Variants in OXR1 observed in about 807,000 individuals in gnomAD.
OXR1 encodes oxidation resistance protein 1.
OXR1 carries 41 observed loss-of-function variants against 104.6 expected under a neutral mutation model. That is an observed-to-expected ratio of 0.39 (90% CI 0.31 to 0.51). The LOEUF (loss-of-function observed/expected upper bound fraction) is 0.51, where lower values mean the gene tolerates loss of function less well. Ranked by LOEUF, OXR1 falls within the 20% of genes least tolerant of loss-of-function variation. The probability of loss-of-function intolerance (pLI) is 0.77; values close to 1 mark genes in which losing one functional copy is unlikely to be tolerated. For synonymous variants in OXR1, 348 were observed against 348.4 expected (o/e 1.00, Z 0.01); for missense variants, 955 against 1,031.9 (o/e 0.93, Z 1.02).
intron 1 of OXR1, among the ~76,000 whole-genome samples, chr8:106,328,244 T>G (rs1814560474): frequency 6.6e-6 from 1 of 152,164 alleles, no homozygotes; most frequent in African/African-American, 2.4e-5. Context: ...TGGATAAGTC[T>G]TTGTCCAGAA....
rs778022268 is a variant in OXR1, at chr8:106,703,060, T to C, written c.830T>C (p.Leu277Ser). The C allele has an allele frequency of 1.2e-6, 2 of 1,613,284 alleles. No individual in the cohort carries two copies. Among genetic ancestry groups the C allele is most frequent in the Admixed American group, 3.3e-5 (2 of 59,942 alleles). The change falls in exon 8 of 17, where the codon TTG becomes TCG. Residue 277 changes from leucine to serine, a missense_variant. Leu to Ser is a moderately radical substitution (Grantham distance 145). Around this residue, in one of 2 missense-constraint regions of OXR1, gnomAD observed 849 missense variants for 852.9 expected, o/e 1.00. Transcript: ENST00000517566. ...TCAGCTGCAATGTACAAAGAAATTT[T>C]GGATAGCAAAATAAAGGAATCTTTA... ...VMSAAMYKEI[L>S]DSKIKESLPI...
intron 2 of OXR1, among the ~76,000 whole-genome samples, chr8:106,385,767 A>C (rs1817346995): frequency 6.6e-6 from 1 of 152,108 alleles, no homozygotes; most frequent in Non-Finnish European, 1.5e-5. Flanking sequence ...TGCATGAAAG[A>C]AGCAAAATTG....
At chr8:106,597,039 G>A (rs573308908) in intron 3 of OXR1, among the ~76,000 whole-genome samples, 29 of 152,160 alleles carry the variant, frequency 1.9e-4, no homozygotes, top group South Asian at 4.1e-4. Flanking sequence ...GGGACAGAGC[G>A]AGACTGCACC....
At chr8:106,534,368 C>T (rs1201516606) in intron 3 of OXR1, among the ~76,000 whole-genome samples, 5 of 152,156 alleles carry the variant, frequency 3.3e-5, no homozygotes, top group Non-Finnish European at 7.3e-5. Context: ...ACAAACTACC[C>T]AGTTCCCAGT....
At position 106,706,635 on chromosome 8, in the gene OXR1, A is replaced by T; in HGVS notation, c.1114A>T (p.Thr372Ser). 6.2e-7 allele frequency: 1 copy of T among 1,613,572 alleles called. No individual in the cohort carries two copies. The highest frequency in any genetic ancestry group is 8.5e-7 in the Non-Finnish European group (1 of 1,179,868). Residue 372 changes from threonine (T) to serine (S), a missense_variant, in exon 9 of 17, where the codon ACT becomes TCT. Transcript: ENST00000517566. ...TGGTGCGTCATCAGAATCTGTGCAA[A>T]CTGTCAATCAGGCTGAAGTAGAAAG... ...SSGASSESVQ[T>S]VNQAEVESLT...
At chr8:106,337,228 T>A (rs1165574085) in intron 1 of OXR1, among the ~76,000 whole-genome samples, 1 of 152,166 alleles carries the variant, frequency 6.6e-6, no homozygotes, top group African/African-American at 2.4e-5. Flanking sequence ...TAATTATTAT[T>A]ATGAAAAAAT....
intron 2 of OXR1, among the ~76,000 whole-genome samples, chr8:106,442,397 C>T (rs1563525599): frequency 6.6e-6 from 1 of 151,914 alleles, no homozygotes; most frequent in African/African-American, 2.4e-5. Flanking sequence ...GTGTCTCTTC[C>T]CGGTTTTGGT....
intron 2 of OXR1, among the ~76,000 whole-genome samples, chr8:106,507,486 C>A (rs1269356512): frequency 6.6e-6 from 1 of 152,186 alleles, no homozygotes; most frequent in Admixed American, 6.5e-5. Context: ...AAATAAATAT[C>A]AAAAAGTACC....
intron 2 of OXR1, among the ~76,000 whole-genome samples, chr8:106,379,741 C>T (rs1185623096): frequency 6.6e-6 from 1 of 151,760 alleles, no homozygotes; most frequent in Non-Finnish European, 1.5e-5. Context: ...CAGAGTTTCA[C>T]CAAGTTGGCC....
intron 1 of OXR1, among the ~76,000 whole-genome samples, chr8:106,296,177 G>T (rs1350963118): frequency 6.6e-6 from 1 of 152,102 alleles, no homozygotes; most frequent in South Asian, 2.1e-4. Context: ...TAATCAACTT[G>T]CACTGTACTC....
At chr8:106,495,219 A>C (rs534780019) in intron 2 of OXR1, among the ~76,000 whole-genome samples, 1 of 152,188 alleles carries the variant, frequency 6.6e-6, no homozygotes, top group African/African-American at 2.4e-5. Context: ...TCTATTATCA[A>C]CCACAGTTTG....
In OXR1 at chr8:106,716,572, C is replaced by G. The variant is rs1174987369; in HGVS notation, c.1956+2587C>G. On this transcript the variant is annotated intron_variant, in intron 11 of 16. Coordinates refer to ENST00000517566, the MANE Select transcript of OXR1 (RefSeq NM_001198533.2). Reference sequence around the variant, plus strand: ...CCGGGAAGCGGAGCTTGCAGTGAGCCGAGATTGCGCCACTGCAGTCCGCAG... The same window carrying G: ...CCGGGAAGCGGAGCTTGCAGTGAGCGGAGATTGCGCCACTGCAGTCCGCAG... Among the ~76,000 whole-genome samples the G allele has an allele frequency of 1.9e-4, 5 of 25,708 alleles. 2 individuals carry two copies. The highest frequency in any genetic ancestry group is 1.5e-3 in the African/African-American group (5 of 3,298). 16.9% of individuals were successfully genotyped at this position (25,708 alleles called of 152,430 possible).
At chr8:106,669,557 T>C (rs1447767323) in intron 3 of OXR1, among the ~76,000 whole-genome samples, 1 of 152,096 alleles carries the variant, frequency 6.6e-6, no homozygotes, top group Non-Finnish European at 1.5e-5. Flanking sequence ...ATCAGCAATC[T>C]GTTTTTTTTT....
At position 106,706,500 on chromosome 8, in the gene OXR1, C is replaced by A. The variant is rs1378996751; in HGVS notation, c.979C>A (p.Pro327Thr). The change falls in exon 9 of 17, where the codon CCT (proline) becomes ACT (threonine). Residue 327 changes from proline to threonine, a missense_variant. Physicochemically the swap from Pro to Thr is conservative, Grantham distance 38. Coordinates refer to ENST00000517566, the MANE Select transcript of OXR1 (RefSeq NM_001198533.2). The stretch of plus-strand genomic sequence containing the variant: ...AGGTAATGATAGTGCCAGCACTGCT[C>A]CTAGGAGCACTGAGGAGTCTCTTTC... The part of the protein sequence containing the change: ...DAGNDSASTA[P>T]RSTEESLSED... The A allele has an allele frequency of 6.2e-7, 1 of 1,605,106 alleles. No individual in the cohort carries two copies. Among genetic ancestry groups the A allele is most frequent in the Non-Finnish European group, 8.5e-7 (1 of 1,177,890 alleles).
chr8:106,397,285 T>C (rs1817818723), intron 2 of OXR1, among the ~76,000 whole-genome samples: 1 of 152,070 alleles, frequency 6.6e-6, no homozygotes, highest in South Asian at 2.1e-4. Flanking sequence ...GGCTTAAGGG[T>C]AGTAAGTAAA....
intron 2 of OXR1, among the ~76,000 whole-genome samples, chr8:106,502,976 G>A (rs1162210400): frequency 6.6e-6 from 1 of 152,118 alleles, no homozygotes; most frequent in African/African-American, 2.4e-5. Context: ...TTACCCTCTT[G>A]CAACCAAACT....
chr8:106,494,441 T>A lies in OXR1; in HGVS notation c.24-24502T>A, dbSNP rs1811292042. Among the ~76,000 whole-genome samples the A allele has an allele frequency of 3.3e-5, 5 of 152,100 alleles. No individual in the cohort carries two copies. In the South Asian group the frequency reaches 1.0e-3, roughly 32 times the overall value. ...CACCACACACACAGTAGGTGTGCAC[T>A]GTAAGGAATGAAAGGAGCCCTGAAA... On this transcript the variant is annotated intron_variant, in intron 2 of 16. Transcript: ENST00000517566.
chr8:106,347,766 T>C (rs961574349), intron 1 of OXR1, among the ~76,000 whole-genome samples: 9 of 152,212 alleles, frequency 5.9e-5, no homozygotes, highest in Admixed American at 2.0e-4. Flanking sequence ...TCATTGACTG[T>C]CATTTGTTAT....
At chr8:106,539,088 C>G (rs1814762247) in intron 3 of OXR1, among the ~76,000 whole-genome samples, 1 of 152,178 alleles carries the variant, frequency 6.6e-6, no homozygotes, top group Admixed American at 6.5e-5. Flanking sequence ...GTCATACTAT[C>G]TTGTGGCCAC....
Sources: gnomAD v4.1 joint callset for allele counts (sites outside exome capture counted in the v4.1 genomes callset) on GRCh38, gnomAD v4.1.1 for gene constraint, gnomAD v4.1.1 regional missense constraint, MANE v1.5 for transcripts, NCBI Gene and HGNC (gene_info 2026-07-23, HGNC 2026-07-21) for gene names.